Variants in PTPRK observed in about 807,000 individuals in gnomAD.
PTPRK encodes protein tyrosine phosphatase receptor type K.
PTPRK carries 75 observed loss-of-function variants against 178.0 expected under a neutral mutation model. The observed-to-expected ratio is 0.42, with a 90% CI of 0.35 to 0.51. The LOEUF (loss-of-function observed/expected upper bound fraction) is 0.51, where lower values mean the gene tolerates loss of function less well. PTPRK is among the 20% of genes least tolerant of loss of function. PTPRK has a pLI of 0.02. For synonymous variants in PTPRK, 637 were observed against 620.6 expected (o/e 1.03, Z -0.39); for missense variants, 1,441 against 1,797.8 (o/e 0.80, Z 3.59).
intron 1 of PTPRK, among the ~76,000 whole-genome samples, chr6:128,492,163 G>A (rs970457307): frequency 6.6e-6 from 1 of 152,088 alleles, no homozygotes; most frequent in Non-Finnish European, 1.5e-5. Context: ...ACCAGTAGCA[G>A]TTCCTAGTAC....
chr6:128,255,357 T>G (rs1817116628), intron 3 of PTPRK, among the ~76,000 whole-genome samples: 1 of 152,124 alleles, frequency 6.6e-6, no homozygotes, highest in Admixed American at 6.6e-5. Flanking sequence ...ATATGGGAGA[T>G]GGTGAAAAAG....
chr6:128,327,278 C>T (rs1257048877), intron 2 of PTPRK, among the ~76,000 whole-genome samples: 1 of 152,110 alleles, frequency 6.6e-6, no homozygotes, highest in Non-Finnish European at 1.5e-5. Flanking sequence ...ATACTTTCTT[C>T]TAAAACTCCT....
At chr6:128,389,922 A>G (rs1839318687) in intron 2 of PTPRK, among the ~76,000 whole-genome samples, 1 of 152,054 alleles carries the variant, frequency 6.6e-6, no homozygotes, top group Admixed American at 6.6e-5. Flanking sequence ...CAGTCCTTAC[A>G]TTAAAAACCA....
chr6:128,323,120 T>C (rs893016552), intron 2 of PTPRK, among the ~76,000 whole-genome samples: 3 of 152,114 alleles, frequency 2.0e-5, no homozygotes, highest in African/African-American at 7.2e-5. Context: ...TAAGTGTTCA[T>C]TGGTTATCTG....
At chr6:128,449,029 T>TA (rs982962589) in intron 1 of PTPRK, among the ~76,000 whole-genome samples, 1 of 152,016 alleles carries the variant, frequency 6.6e-6, no homozygotes, top group Non-Finnish European at 1.5e-5. Context: ...CTGGCTAATT[T>TA]TTTTTTTCCC....
intron 1 of PTPRK, among the ~76,000 whole-genome samples, chr6:128,406,876 T>C (rs560996121): frequency 6.6e-6 from 1 of 152,358 alleles, no homozygotes; most frequent in East Asian, 1.9e-4. Flanking sequence ...CAAAAAGCAC[T>C]GCTTTGCACA....
At chr6:128,429,822 C>G (rs184067217) in intron 1 of PTPRK, among the ~76,000 whole-genome samples, 26 of 152,158 alleles carry the variant, frequency 1.7e-4, no homozygotes, top group African/African-American at 6.0e-4. Flanking sequence ...CCTTGAGAGA[C>G]TTACAAAAAA....
chr6:128,170,010 T>G (rs1441683950), intron 7 of PTPRK, among the ~76,000 whole-genome samples: 1 of 152,134 alleles, frequency 6.6e-6, no homozygotes, highest in African/African-American at 2.4e-5. Flanking sequence ...AGTAGGCATC[T>G]TCCTTTTGTT....
intron 6 of PTPRK, among the ~76,000 whole-genome samples, chr6:128,194,942 T>A (rs758266979): frequency 1.3e-4 from 20 of 152,074 alleles, no homozygotes; most frequent in African/African-American, 4.6e-4. Flanking sequence ...AAACAAGATA[T>A]CAATTTTAAA....
chr6:128,493,555 C>T (rs1388528227), intron 1 of PTPRK, among the ~76,000 whole-genome samples: 1 of 137,974 alleles, frequency 7.2e-6, no homozygotes, highest in African/African-American at 2.7e-5. Context: ...AGCGAGACTC[C>T]GTCTCAAAAA....
At chr6:128,405,422 T>A (rs1009798886) in intron 1 of PTPRK, among the ~76,000 whole-genome samples, 1 of 152,188 alleles carries the variant, frequency 6.6e-6, no homozygotes, top group Non-Finnish European at 1.5e-5. Flanking sequence ...TTTACCCAAG[T>A]TTCTTTTCCT....
At chr6:128,126,178 G>A (rs940131575) in intron 7 of PTPRK, among the ~76,000 whole-genome samples, 2 of 151,668 alleles carry the variant, frequency 1.3e-5, no homozygotes, top group Admixed American at 6.6e-5. Flanking sequence ...TTTAAGCCCC[G>A]CATGCATTAG....
At chr6:128,459,013 G>A (rs1467742658) in intron 1 of PTPRK, among the ~76,000 whole-genome samples, 1 of 152,026 alleles carries the variant, frequency 6.6e-6, no homozygotes, top group Non-Finnish European at 1.5e-5. Context: ...CATCCTCATG[G>A]CTTGAAAATT....
intron 1 of PTPRK, among the ~76,000 whole-genome samples, chr6:128,462,279 C>T (rs1174494430): frequency 1.3e-5 from 2 of 152,154 alleles, no homozygotes; most frequent in East Asian, 3.9e-4. Flanking sequence ...ATTAAATCTA[C>T]ATACATAATT....
rs377504819 is a variant in PTPRK, at chr6:128,392,839, TA to T, written c.223+4726del. On this transcript the variant is annotated intron_variant, in intron 2 of 29. Transcript: ENST00000368226. ...ATCCAATATAGATAGGTAATATTTA[TA>T]AAGACTAAGGTCAAATCTTAATAAT... is the stretch of plus-strand genomic sequence containing the variant. Among the ~76,000 whole-genome samples the T allele has an allele frequency of 9.8e-5, 15 of 152,286 alleles. No individual in the cohort carries two copies. The East Asian group carries it at 1.9e-3, about 20-fold the overall frequency.
intron 1 of PTPRK, among the ~76,000 whole-genome samples, chr6:128,450,240 G>A (rs2128405682): frequency 6.6e-6 from 1 of 152,320 alleles, no homozygotes; most frequent in East Asian, 1.9e-4. Context: ...GTCTAAGGAT[G>A]TGCACACAGT....
chr6:128,231,313 G>A (rs989235630), intron 5 of PTPRK, among the ~76,000 whole-genome samples: 12 of 152,122 alleles, frequency 7.9e-5, no homozygotes, highest in African/African-American at 2.7e-4. Context: ...AAGAGAACAC[G>A]GTCTCTTAAG....
At chr6:128,494,456 C>T (rs1008592759) in intron 1 of PTPRK, among the ~76,000 whole-genome samples, 5 of 151,896 alleles carry the variant, frequency 3.3e-5, no homozygotes, top group Admixed American at 6.6e-5. Flanking sequence ...CTTTGTGATC[C>T]GCCAGACTTG....
intron 3 of PTPRK, among the ~76,000 whole-genome samples, chr6:128,249,298 T>TTAAAAAA (rs1554372270): frequency 3.0e-5 from 4 of 132,856 alleles, no homozygotes; most frequent in African/African-American, 1.1e-4. Flanking sequence ...TGGTGTGATT[T>TTAAAAAA]AAAAAAAAAA....
Sources: allele counts gnomAD v4.1 joint callset (sites outside exome capture counted in the v4.1 genomes callset), GRCh38; gene constraint gnomAD v4.1.1; transcripts MANE v1.5; gene names NCBI Gene and HGNC (gene_info 2026-07-23, HGNC 2026-07-21).